The following TFB1M variants were observed in gnomAD, a reference collection of about 807,000 sequenced individuals.
TFB1M encodes transcription factor B1, mitochondrial.
A neutral mutation model predicts 31.1 loss-of-function variants in TFB1M; 27 were observed. The ratio of observed to expected loss-of-function variants is 0.87; its 90% CI spans 0.64 to 1.20. The LOEUF (loss-of-function observed/expected upper bound fraction) is 1.20. Ranked by LOEUF, TFB1M falls within the 50% of genes most tolerant of loss-of-function variation. The pLI is 0.00. For missense variants in TFB1M, 394 were observed against 418.7 expected (o/e 0.94, Z 0.51); for synonymous variants, 166 against 151.8 (o/e 1.09, Z -0.69).
intron 2 of TFB1M, among the ~76,000 whole-genome samples, chr6:155,302,029 C>T (rs1414700188): frequency 6.6e-6 from 1 of 152,136 alleles, no homozygotes; most frequent in Non-Finnish European, 1.5e-5. Context: ...TAACCAAAGT[C>T]TTAGTGAAAG....
chr6:155,282,905 T>C (rs1351765574), intron 5 of TFB1M, among the ~76,000 whole-genome samples: 1 of 152,034 alleles, frequency 6.6e-6, no homozygotes, highest in Non-Finnish European at 1.5e-5. Flanking sequence ...TTTTTTGTAT[T>C]TTTAGTAGAG....
intron 5 of TFB1M, among the ~76,000 whole-genome samples, chr6:155,261,810 C>T (rs1784406879): frequency 1.3e-5 from 2 of 152,210 alleles, no homozygotes; most frequent in Non-Finnish European, 2.9e-5. Flanking sequence ...GAGAATGTGC[C>T]AAGCGGCCTT....
intron 2 of TFB1M, among the ~76,000 whole-genome samples, chr6:155,307,136 T>TACACAGACAC (rs1554257817): frequency 6.8e-6 from 1 of 147,244 alleles, no homozygotes; most frequent in Non-Finnish European, 1.5e-5. Flanking sequence ...CTCAAACACA[T>TACACAGACAC]ACACACACAC....
chr6:155,260,245 A>C (rs1427358486), intron 6 of TFB1M, 28 bp downstream of exon 6: 1 of 1,613,536 alleles, frequency 6.2e-7, no homozygotes, highest in East Asian at 2.2e-5. Flanking sequence ...TAAAGACTGC[A>C]ACTGAAGAGA....
downstream of TFB1M, chr6:155,251,927 CT>C (rs1783682384): frequency 1.3e-6 from 2 of 1,587,238 alleles, no homozygotes; most frequent in African/African-American, 2.7e-5. Context: ...GACTTTCTTT[CT>C]CTTTTCCTTT....
rs112181141 is a variant in TFB1M, at chr6:155,275,999, G to A, written c.666+9159C>T. 734 of 1,614,166 alleles carry A rather than the reference G, an allele frequency of 4.5e-4. 5 individuals carry two copies. The African/African-American group carries it at 8.5e-3, about 19-fold the overall frequency. On this transcript the variant is annotated intron_variant, in intron 5 of 6. Transcript: ENST00000367166. ...CCTGGCGTGTGTTCTGTCTGCTTTG[G>A]GGATCTGCACTTCCACAGTAGGAAT...
In TFB1M at chr6:155,311,256, T is replaced by G; in HGVS notation, c.217A>C (p.Ile73Leu). 1 of 1,614,168 alleles carries G rather than the reference T, an allele frequency of 6.2e-7. No homozygotes were observed. Among genetic ancestry groups the G allele is most frequent in the South Asian group, 1.1e-5 (1 of 91,084 alleles). ...GPGPGGITRS[I>L]LNADVAELLV... ...AGTTCAGCGACGTCGGCATTAAGAA[T>G]AGATCTTGTGATTCCCCCTGGCCCA... Residue 73 changes from isoleucine (I) to leucine (L), a missense_variant, in exon 2 of 7, where the codon ATT becomes CTT. By Grantham distance (5) the Ile-to-Leu change is conservative (BLOSUM62 2). Transcript: ENST00000367166.
intron 4 of TFB1M, among the ~76,000 whole-genome samples, chr6:155,295,927 A>G (rs1003643499): frequency 2.4e-4 from 37 of 152,206 alleles, no homozygotes; most frequent in Non-Finnish European, 1.8e-4. Flanking sequence ...GGACTTGAGC[A>G]CTTGTAGATT....
At chr6:155,310,781 T>A (rs531956981) in intron 2 of TFB1M, 1 of 193,682 alleles carries the variant, frequency 5.2e-6, no homozygotes, top group African/African-American at 2.4e-5. Flanking sequence ...CTTTTGTTTG[T>A]GGAAATGCTT....
At chr6:155,251,000 G>A in the TFB1M span, 2 of 1,614,110 alleles carry the variant, frequency 1.2e-6, no homozygotes, top group Non-Finnish European at 1.7e-6. Context: ...AGCTAGAAAG[G>A]ACCTTGAGCT....
At chr6:155,311,554 T>C (rs2114820732) in intron 1 of TFB1M, among the ~76,000 whole-genome samples, 1 of 152,326 alleles carries the variant, frequency 6.6e-6, no homozygotes, top group East Asian at 1.9e-4. Context: ...ACCAGTCCCT[T>C]AACACACACA....
At chr6:155,240,656 C>T in the TFB1M span, 84 of 1,613,950 alleles carry the variant, frequency 5.2e-5, no homozygotes, top group Admixed American at 1.2e-4. Flanking sequence ...TGATGCAGAC[C>T]GCCTCCGCAA....
At chr6:155,253,133 T>TG, downstream of TFB1M, 1 of 1,243,000 alleles carries the variant, frequency 8.0e-7, no homozygotes, top group South Asian at 1.3e-5. Flanking sequence ...GAAAGGACCT[T>TG]GGGGATAATT....
chr6:155,312,028 T>TA (rs1437067131), intron 1 of TFB1M, among the ~76,000 whole-genome samples: 1 of 152,164 alleles, frequency 6.6e-6, no homozygotes, highest in African/African-American at 2.4e-5. Flanking sequence ...CATAAAAAGG[T>TA]AGAGTACTGA....
the TFB1M span, chr6:155,245,629 C>T: frequency 6.2e-7 from 1 of 1,613,706 alleles, no homozygotes. Context: ...CTAGAAATTA[C>T]TGTTTTCCCT....
chr6:155,257,153 T>C lies in TFB1M; in HGVS notation c.*683A>G. ...TCAATCCAGATATGGGTTAAATTCCTCATTTTACTTTTAAACTGGTGGTAA... is the reference window on the plus strand; with the variant it reads ...TCAATCCAGATATGGGTTAAATTCCCCATTTTACTTTTAAACTGGTGGTAA... On this transcript the variant is annotated 3_prime_UTR_variant, in exon 7 of 7. Transcript: ENST00000367166. The C allele has an allele frequency of 6.5e-6, 9 of 1,382,554 alleles. No individual in the cohort carries two copies. The highest frequency in any genetic ancestry group is 9.0e-6 in the Non-Finnish European group (9 of 998,038). The allele number at this position is 1,382,554 out of a possible 1,614,324, so 85.6% of individuals were successfully genotyped here.
downstream of TFB1M, among the ~76,000 whole-genome samples, chr6:155,251,448 G>A (rs146368704): frequency 0.016 from 2,397 of 152,074 alleles, 26 homozygotes; most frequent in Middle Eastern, 0.044. Flanking sequence ...CACCACGCCC[G>A]GCTGATTTTT....
At chr6:155,301,948 C>T (rs902989488) in intron 2 of TFB1M, among the ~76,000 whole-genome samples, 1 of 152,032 alleles carries the variant, frequency 6.6e-6, no homozygotes, top group Non-Finnish European at 1.5e-5. Flanking sequence ...ATAAACAATG[C>T]CTTTAATACA....
chr6:155,265,053 C>T (rs986538019), intron 5 of TFB1M, among the ~76,000 whole-genome samples: 4 of 152,208 alleles, frequency 2.6e-5, no homozygotes, highest in African/African-American at 9.6e-5. Context: ...AAAACTAGGC[C>T]TTTTCCACAA....
Sources: allele counts gnomAD v4.1 joint callset (sites outside exome capture counted in the v4.1 genomes callset), GRCh38; gene constraint gnomAD v4.1.1; transcripts MANE v1.5; gene names NCBI Gene and HGNC (gene_info 2026-07-23, HGNC 2026-07-21).